The following PXDNL variants were observed in gnomAD, a reference collection of about 807,000 sequenced individuals.
PXDNL encodes the protein probable oxidoreductase PXDNL.
PXDNL carries 145 observed loss-of-function variants against 150.8 expected under a neutral mutation model. The ratio of observed to expected loss-of-function variants is 0.96; its 90% CI spans 0.84 to 1.10. The LOEUF (loss-of-function observed/expected upper bound fraction) is 1.10. PXDNL is among the 50% of genes least tolerant of loss of function. The pLI, the probability that PXDNL is intolerant of heterozygous loss-of-function variation, is 0.00. For missense variants in PXDNL, 2,087 were observed against 1,873.9 expected, an observed-to-expected ratio of 1.11 and a Z score of -2.10; for synonymous variants, 757 against 725.7, an observed-to-expected ratio of 1.04 and a Z score of -0.69.
intron 21 of PXDNL, among the ~76,000 whole-genome samples, chr8:51,323,274 G>T (rs911490646): frequency 6.6e-6 from 1 of 151,984 alleles, no homozygotes; most frequent in African/African-American, 2.4e-5. Flanking sequence ...AAATAGTTTT[G>T]CTTTTTTTGT....
rs1813866899 is a variant in PXDNL at position 51,607,671 on chromosome 8, T to A, written c.237-14973A>T. Among the ~76,000 whole-genome samples, 3 of 148,136 alleles carry A rather than the reference T, an allele frequency of 2.0e-5. 1 individual carries two copies. The highest frequency in any genetic ancestry group is 7.8e-5 in the African/African-American group (3 of 38,448). ...GCCTGGCCAACATGGCAAAACCCCA[T>A]CTCTACTAAAAATACAAAATTAGCC... is the stretch of plus-strand genomic sequence containing the variant. On this transcript the variant is annotated intron_variant, in intron 2 of 22. Coordinates refer to ENST00000356297, the MANE Select transcript of PXDNL (RefSeq NM_144651.5).
rs1418657466 is a variant in PXDNL at position 51,398,011 on chromosome 8, A to T, written c.3557+10056T>A. On this transcript the variant is annotated intron_variant, in intron 17 of 22. Coordinates refer to ENST00000356297, the MANE Select transcript of PXDNL (RefSeq NM_144651.5). ...GGAGCTAAAATTGTAGGGGAAAAATATAATTTAGAATGAATGTAAGCTTCT... is the reference window on the plus strand; with the variant it reads ...GGAGCTAAAATTGTAGGGGAAAAATTTAATTTAGAATGAATGTAAGCTTCT... 1.3e-5 allele frequency among the ~76,000 whole-genome samples: 2 copies of T among 152,182 alleles called. 1 individual carries two copies. The highest frequency in any genetic ancestry group is 4.1e-4 in the South Asian group (2 of 4,828).
chr8:51,561,366 A>G (rs1416634979), intron 3 of PXDNL, among the ~76,000 whole-genome samples: 1 of 151,924 alleles, frequency 6.6e-6, no homozygotes, highest in Non-Finnish European at 1.5e-5. Context: ...TCCATTGGAG[A>G]GTGAATAGAA....
chr8:51,412,507 G>T (rs1808679574), intron 15 of PXDNL, among the ~76,000 whole-genome samples: 1 of 152,188 alleles, frequency 6.6e-6, no homozygotes, highest in African/African-American at 2.4e-5. Flanking sequence ...ACACATGCAT[G>T]ATCACAAAGC....
At chr8:51,510,452 A>G (rs1293682486) in intron 4 of PXDNL, among the ~76,000 whole-genome samples, 2 of 152,194 alleles carry the variant, frequency 1.3e-5, no homozygotes, top group Non-Finnish European at 2.9e-5. Context: ...GTTTCCTCCA[A>G]CACAGTGGAG....
In PXDNL at chr8:51,735,547, T is replaced by TGG. The variant is rs1563304334; in HGVS notation, c.164+73633_164+73634insCC. Among the ~76,000 whole-genome samples the TGG allele has an allele frequency of 3.3e-5, 4 of 121,644 alleles. 1 individual carries two copies. Among genetic ancestry groups the TGG allele is most frequent in the African/African-American group, 1.3e-4 (4 of 30,248 alleles). The allele number at this position is 121,644 out of a possible 152,430, so 79.8% of individuals were successfully genotyped here. ...AATTGTTTTTTTTTTTTTTTTTTTT[T>TGG]TTTTTTTTTTTTTTTTTGAGACGGA... On this transcript the variant is annotated intron_variant, in intron 1 of 22. Transcript: ENST00000356297.
At chr8:51,361,319 T>C (rs1235408992) in intron 19 of PXDNL, among the ~76,000 whole-genome samples, 1 of 152,196 alleles carries the variant, frequency 6.6e-6, no homozygotes, top group Admixed American at 6.5e-5. Context: ...AATGGAAATA[T>C]TGCAGAAGGT....
intron 14 of PXDNL, among the ~76,000 whole-genome samples, chr8:51,421,657 C>T (rs1338791936): frequency 1.3e-5 from 2 of 152,100 alleles, no homozygotes; most frequent in African/African-American, 2.4e-5. Context: ...CGAGATTGTG[C>T]CCCTGCACTC....
At chr8:51,673,452 A>G (rs1030648154) in intron 1 of PXDNL, among the ~76,000 whole-genome samples, 1 of 152,220 alleles carries the variant, frequency 6.6e-6, no homozygotes, top group East Asian at 1.9e-4. Context: ...ATGAGTTACA[A>G]TAAAAAATAT....
intron 2 of PXDNL, among the ~76,000 whole-genome samples, chr8:51,643,338 A>G (rs1387035208): frequency 6.6e-6 from 1 of 152,208 alleles, no homozygotes; most frequent in African/African-American, 2.4e-5. Flanking sequence ...CTGGTACCAA[A>G]ACAGAGATAT....
At chr8:51,559,437 T>C (rs1021661756) in intron 3 of PXDNL, among the ~76,000 whole-genome samples, 1 of 150,162 alleles carries the variant, frequency 6.7e-6, no homozygotes, top group African/African-American at 2.4e-5. Flanking sequence ...AGGATAATGG[T>C]ATTCAGCTAA....
At chr8:51,333,724 G>A (rs1427637972) in intron 21 of PXDNL, among the ~76,000 whole-genome samples, 3 of 151,910 alleles carry the variant, frequency 2.0e-5, no homozygotes, top group Non-Finnish European at 2.9e-5. Flanking sequence ...AGACAAAGAG[G>A]GACATTATAT....
At chr8:51,548,094 CAA>C (rs35793477) in intron 4 of PXDNL, among the ~76,000 whole-genome samples, 9,977 of 101,050 alleles carry the variant, frequency 0.099, 407 homozygotes, top group Middle Eastern at 0.14. Flanking sequence ...CTTCAGAATT[CAA>C]AAAAAAAAAA....
At chr8:51,666,321 C>T (rs1273448024) in intron 1 of PXDNL, among the ~76,000 whole-genome samples, 4 of 152,160 alleles carry the variant, frequency 2.6e-5, no homozygotes, top group African/African-American at 9.7e-5. Context: ...GAGCCCTCTT[C>T]CCTCTTCCCT....
chr8:51,787,947 C>G (rs1284861635), intron 1 of PXDNL, among the ~76,000 whole-genome samples: 1 of 152,216 alleles, frequency 6.6e-6, no homozygotes, highest in African/African-American at 2.4e-5. Flanking sequence ...CAGCAGCCAT[C>G]AACAGTGAGG....
intron 9 of PXDNL, 91 bp from the exon 10 acceptor site, chr8:51,453,876 T>TC: frequency 2.9e-6 from 4 of 1,390,234 alleles, no homozygotes; most frequent in Non-Finnish European, 3.9e-6. Context: ...ATTATTGTCA[T>TC]TTTCAAAATT....
At chr8:51,552,372 A>G (rs543596381) in intron 4 of PXDNL, among the ~76,000 whole-genome samples, 1 of 152,232 alleles carries the variant, frequency 6.6e-6, no homozygotes, top group Admixed American at 6.5e-5. Context: ...AAACAGACAC[A>G]TGCACAACTA....
chr8:51,686,188 G>A lies in PXDNL; in HGVS notation c.165-31428C>T, dbSNP rs796393733. ...CAGTCTGGGAAACAGATTCACTTTC[G>A]AGCCAAGTACACTATGAAGTTGTTT... On this transcript the variant is annotated intron_variant, in intron 1 of 22. Coordinates refer to ENST00000356297, the MANE Select transcript of PXDNL (RefSeq NM_144651.5). Among the ~76,000 whole-genome samples the A allele has an allele frequency of 5.9e-5, 9 of 152,262 alleles. No individual in the cohort carries two copies. The South Asian group carries it at 6.2e-4, about 11-fold the overall frequency.
intron 8 of PXDNL, among the ~76,000 whole-genome samples, chr8:51,469,611 C>G (rs1382706423): frequency 6.6e-6 from 1 of 152,046 alleles, no homozygotes; most frequent in Admixed American, 6.6e-5. Context: ...AATCCAGGTC[C>G]TCTCCAGGGG....
Sources: allele counts gnomAD v4.1 joint callset (sites outside exome capture counted in the v4.1 genomes callset), GRCh38; gene constraint gnomAD v4.1.1; transcripts MANE v1.5; gene names NCBI Gene and HGNC (gene_info 2026-07-23, HGNC 2026-07-21).